The following ME3 variants were observed in gnomAD, a reference collection of about 807,000 sequenced individuals.
ME3 encodes malic enzyme 3.
Under a neutral mutation model 68.9 loss-of-function variants are expected in ME3, and 48 were observed. That is an observed-to-expected ratio of 0.70 (90% CI 0.55 to 0.89). ME3 has a LOEUF of 0.89. Among genes scored for constraint, ME3 ranks in the 40% least tolerant of loss-of-function variants. ME3 has a pLI of 0.00. For missense variants in ME3, 675 were observed against 797.4 expected, an observed-to-expected ratio of 0.85 and a Z score of 1.85; for synonymous variants, 320 against 318.8, an observed-to-expected ratio of 1.00 and a Z score of -0.04.
intron 8 of ME3, among the ~76,000 whole-genome samples, chr11:86,457,047 C>T (rs1949980408): frequency 6.6e-6 from 1 of 152,198 alleles, no homozygotes; most frequent in South Asian, 2.1e-4. Context: ...CCCCCTGTTA[C>T]CATCGATGCC....
At chr11:86,443,038 C>A in intron 13 of ME3, 119 bp from the exon 14 acceptor site, 1 of 673,610 alleles carries the variant, frequency 1.5e-6, no homozygotes, top group Non-Finnish European at 2.5e-6. Flanking sequence ...ACTGCAGTTC[C>A]AACTGTTGAC....
intron 4 of ME3, among the ~76,000 whole-genome samples, chr11:86,547,458 C>T (rs1276120508): frequency 7.0e-6 from 1 of 143,466 alleles, no homozygotes; most frequent in East Asian, 2.2e-4. Flanking sequence ...GGGAGGGGAA[C>T]ATCACACACT....
chr11:86,454,446 C>G (rs918437016), intron 8 of ME3, among the ~76,000 whole-genome samples: 1 of 152,172 alleles, frequency 6.6e-6, no homozygotes, highest in Non-Finnish European at 1.5e-5. Context: ...AGTGTAGACA[C>G]AGTAGACTGT....
intron 4 of ME3, among the ~76,000 whole-genome samples, chr11:86,532,357 A>T (rs1955314547): frequency 6.6e-6 from 1 of 152,216 alleles, no homozygotes; most frequent in African/African-American, 2.4e-5. Context: ...TTACACTTTG[A>T]ACAAAATGGA....
chr11:86,563,327 A>G (rs185554853), intron 2 of ME3, among the ~76,000 whole-genome samples: 61 of 152,238 alleles, frequency 4.0e-4, no homozygotes, highest in Non-Finnish European at 7.4e-4. Flanking sequence ...CAGCCTCTCC[A>G]GTATCTGTTG....
At chr11:86,512,467 G>A (rs920855223) in intron 4 of ME3, among the ~76,000 whole-genome samples, 6 of 152,342 alleles carry the variant, frequency 3.9e-5, no homozygotes, top group African/African-American at 1.2e-4. Context: ...CATAATAGAT[G>A]TGCAATGCAC....
intron 2 of ME3, among the ~76,000 whole-genome samples, chr11:86,589,289 T>C (rs1195011118): frequency 2.6e-5 from 4 of 152,174 alleles, no homozygotes; most frequent in Admixed American, 1.3e-4. Flanking sequence ...CTATGTTTCA[T>C]TTATTTTTAC....
chr11:86,590,283 T>G (rs962195845), intron 2 of ME3, among the ~76,000 whole-genome samples: 1 of 152,192 alleles, frequency 6.6e-6, no homozygotes, highest in Non-Finnish European at 1.5e-5. Flanking sequence ...ACTGTGGCAC[T>G]GAAGATACGG....
intron 2 of ME3, among the ~76,000 whole-genome samples, chr11:86,617,066 T>TTTTTG: frequency 1.4e-5 from 2 of 140,890 alleles, no homozygotes; most frequent in Non-Finnish European, 3.1e-5. Flanking sequence ...TTTTTTTTTT[T>TTTTTG]TTTTTTTTTT....
chr11:86,469,038 A>G (rs1479422145), intron 7 of ME3, among the ~76,000 whole-genome samples: 2 of 152,020 alleles, frequency 1.3e-5, no homozygotes, highest in African/African-American at 4.8e-5. Context: ...GCTTCAGTTT[A>G]ATTTTGATAG....
At chr11:86,507,281 T>C (rs1009774224) in intron 5 of ME3, among the ~76,000 whole-genome samples, 1 of 152,210 alleles carries the variant, frequency 6.6e-6, no homozygotes, top group South Asian at 2.1e-4. Flanking sequence ...CACAGTGTAC[T>C]GTCACTGTTT....
chr11:86,493,097 C>A (rs1011097191), intron 6 of ME3, among the ~76,000 whole-genome samples: 4 of 152,200 alleles, frequency 2.6e-5, no homozygotes, highest in Non-Finnish European at 5.9e-5. Context: ...TCTATGATGG[C>A]ACCACATGGT....
At chr11:86,588,751 G>A (rs529843139) in intron 2 of ME3, among the ~76,000 whole-genome samples, 2 of 152,232 alleles carry the variant, frequency 1.3e-5, no homozygotes, top group East Asian at 3.9e-4. Flanking sequence ...CCCTGTTAAT[G>A]GGCTCAATTC....
chr11:86,665,728 G>A (rs1315503445), intron 2 of ME3, among the ~76,000 whole-genome samples: 1 of 152,202 alleles, frequency 6.6e-6, no homozygotes, highest in African/African-American at 2.4e-5. Flanking sequence ...GAGAGATGCT[G>A]GAGGCTTCAA....
intron 2 of ME3, among the ~76,000 whole-genome samples, chr11:86,604,207 C>G (rs1445268979): frequency 6.6e-6 from 1 of 151,906 alleles, no homozygotes; most frequent in Non-Finnish European, 1.5e-5. Flanking sequence ...CTCCAGACTT[C>G]AGAGAGAACA....
At chr11:86,589,386 A>AATGAATGAATGAATG (rs769070849) in intron 2 of ME3, among the ~76,000 whole-genome samples, 4 of 152,078 alleles carry the variant, frequency 2.6e-5, no homozygotes, top group African/African-American at 9.7e-5. Context: ...AGAATATATG[A>AATGAATGAATGAATG]ATGAATGAAT....
chr11:86,604,355 A>C (rs1382444469), intron 2 of ME3, among the ~76,000 whole-genome samples: 1 of 152,064 alleles, frequency 6.6e-6, no homozygotes, highest in Non-Finnish European at 1.5e-5. Flanking sequence ...TGCCCTGGTT[A>C]AGGAGGGAGT....
chr11:86,654,341 T>C (rs1428820491), intron 2 of ME3, among the ~76,000 whole-genome samples: 1 of 152,062 alleles, frequency 6.6e-6, no homozygotes. Flanking sequence ...GATGCAAAAA[T>C]CCTCAATAAA....
At chr11:86,509,684 G>A (rs668270) in intron 4 of ME3, among the ~76,000 whole-genome samples, 134,347 of 150,474 alleles carry the variant, frequency 0.89, 60,358 homozygotes, top group Non-Finnish European at 0.95. Flanking sequence ...AATAAGCCGC[G>A]GAAAGGATAA....
Sources: gnomAD v4.1 joint callset for allele counts (sites outside exome capture counted in the v4.1 genomes callset) on GRCh38, gnomAD v4.1.1 for gene constraint, MANE v1.5 for transcripts, NCBI Gene and HGNC (gene_info 2026-07-23, HGNC 2026-07-21) for gene names.